Variants in TLK2 observed in about 807,000 individuals in gnomAD.
TLK2 encodes the protein serine/threonine-protein kinase tousled-like 2.
TLK2 carries 6 observed loss-of-function variants against 117.3 expected under a neutral mutation model. The ratio of observed to expected loss-of-function variants is 0.05; its 90% CI spans 0.03 to 0.10. The LOEUF (loss-of-function observed/expected upper bound fraction) is 0.10. Ranked by LOEUF, TLK2 falls within the 10% of genes least tolerant of loss-of-function variation. The pLI, the probability that TLK2 is intolerant of heterozygous loss-of-function variation, is 1.00. For synonymous variants in TLK2, 257 were observed against 316.7 expected (o/e 0.81, Z 2.00); for missense variants, 299 against 901.2 (o/e 0.33, Z 8.56).
At chr17:62,540,847 CG>C (rs2077476728) in intron 7 of TLK2, among the ~76,000 whole-genome samples, 1 of 152,086 alleles carries the variant, frequency 6.6e-6, no homozygotes, top group Non-Finnish European at 1.5e-5. Flanking sequence ...TGTGTTGAAA[CG>C]TAAGTCCAGT....
At chr17:62,536,030 C>T (rs1340796498) in intron 6 of TLK2, 140 bp from the exon 7 acceptor site, 2 of 950,478 alleles carry the variant, frequency 2.1e-6, no homozygotes, top group Non-Finnish European at 3.1e-6. Context: ...TTGGTATGCT[C>T]TCCATAATTA....
At chr17:62,539,171 C>A (rs2077326113) in intron 7 of TLK2, among the ~76,000 whole-genome samples, 1 of 152,044 alleles carries the variant, frequency 6.6e-6, no homozygotes, top group Non-Finnish European at 1.5e-5. Flanking sequence ...TCCTTGGGTC[C>A]AGAAATTCCA....
At chr17:62,512,357 G>A (rs927615670) in intron 2 of TLK2, among the ~76,000 whole-genome samples, 1 of 151,354 alleles carries the variant, frequency 6.6e-6, no homozygotes, top group African/African-American at 2.4e-5. Context: ...CGAGTAGCTG[G>A]GATTACAGGC....
chr17:62,509,398 C>T (rs2074973344), intron 2 of TLK2, among the ~76,000 whole-genome samples: 1 of 152,084 alleles, frequency 6.6e-6, no homozygotes, highest in African/African-American at 2.4e-5. Flanking sequence ...CTCTCCTAAC[C>T]TTTAAGAAGC....
chr17:62,573,109 T>G, intron 11 of TLK2, 106 bp from the exon 12 acceptor site: 1 of 1,300,766 alleles, frequency 7.7e-7, no homozygotes. Context: ...TTAAAGGGGC[T>G]TATTTTTTCT....
chr17:62,521,925 A>G (rs1306031734), intron 3 of TLK2, among the ~76,000 whole-genome samples: 1 of 152,198 alleles, frequency 6.6e-6, no homozygotes, highest in Non-Finnish European at 1.5e-5. Context: ...TTTGTGCTCT[A>G]TTAAATATCT....
upstream of TLK2, among the ~76,000 whole-genome samples, chr17:62,478,546 T>G (rs1488536245): frequency 2.0e-5 from 3 of 149,394 alleles, no homozygotes; most frequent in African/African-American, 2.4e-5. Flanking sequence ...TTGCGGCCCG[T>G]CAGCCGGCGC....
At chr17:62,583,245 A>G (rs2081344899) in intron 15 of TLK2, among the ~76,000 whole-genome samples, 1 of 152,114 alleles carries the variant, frequency 6.6e-6, no homozygotes, top group Non-Finnish European at 1.5e-5. Context: ...GGTGTGCACC[A>G]CCAAGCCCAG....
intron 2 of TLK2, among the ~76,000 whole-genome samples, chr17:62,491,657 C>T (rs1598172373): frequency 6.6e-6 from 1 of 152,194 alleles, no homozygotes; most frequent in South Asian, 2.1e-4. Flanking sequence ...AGCGTGATCT[C>T]GGCTCACTGC....
At chr17:62,557,854 A>G (rs2078973347) in intron 9 of TLK2, among the ~76,000 whole-genome samples, 1 of 152,226 alleles carries the variant, frequency 6.6e-6, no homozygotes, top group African/African-American at 2.4e-5. Context: ...TATGTTTTCT[A>G]ATAAGCAATA....
At chr17:62,555,579 G>C in intron 9 of TLK2, among the ~76,000 whole-genome samples, 1 of 150,674 alleles carries the variant, frequency 6.6e-6, no homozygotes, top group Non-Finnish European at 1.5e-5. Context: ...GCCTCCTGGG[G>C]TCAAGCAATT....
chr17:62,488,096 A>G (rs1567775004), intron 2 of TLK2, among the ~76,000 whole-genome samples: 1 of 151,344 alleles, frequency 6.6e-6, no homozygotes, highest in Non-Finnish European at 1.5e-5. Flanking sequence ...CACCATGCCC[A>G]CCTAATTTTT....
intron 2 of TLK2, among the ~76,000 whole-genome samples, chr17:62,502,848 A>G (rs2074321690): frequency 6.6e-6 from 1 of 152,222 alleles, no homozygotes; most frequent in Non-Finnish European, 1.5e-5. Flanking sequence ...TTCTTGTTTC[A>G]TGGATGAAGG....
chr17:62,594,143 C>T (rs2147059261), intron 16 of TLK2, among the ~76,000 whole-genome samples: 1 of 152,122 alleles, frequency 6.6e-6, no homozygotes, highest in African/African-American at 2.4e-5. Flanking sequence ...TGCCGTGGCT[C>T]ATGCCTGTAA....
At chr17:62,493,822 A>G (rs1052757272) in intron 2 of TLK2, among the ~76,000 whole-genome samples, 3 of 152,098 alleles carry the variant, frequency 2.0e-5, no homozygotes, top group South Asian at 4.1e-4. Flanking sequence ...CAATGGCACA[A>G]CCTTGGCTCA....
intron 6 of TLK2, among the ~76,000 whole-genome samples, chr17:62,529,960 C>A (rs1284196721): frequency 1.3e-5 from 2 of 152,112 alleles, no homozygotes; most frequent in East Asian, 1.9e-4. Context: ...TTTGGGAGAC[C>A]TGGGGACCCA....
intron 7 of TLK2, among the ~76,000 whole-genome samples, chr17:62,548,246 G>GTGTGTGTA (rs2078109083): frequency 7.1e-6 from 1 of 141,466 alleles, no homozygotes; most frequent in Admixed American, 7.1e-5. Flanking sequence ...ATATATGTGT[G>GTGTGTGTA]TGTGTGTGTG....
At chr17:62,522,157 G>GA in intron 3 of TLK2, 47 bp from the exon 4 acceptor site, 1 of 1,597,932 alleles carries the variant, frequency 6.3e-7, no homozygotes, top group Non-Finnish European at 8.5e-7. Context: ...TTCCTAACGT[G>GA]AAAAATTTAC....
At chr17:62,579,750 C>G (rs2081073762) in intron 14 of TLK2, among the ~76,000 whole-genome samples, 1 of 152,154 alleles carries the variant, frequency 6.6e-6, no homozygotes, top group Non-Finnish European at 1.5e-5. Flanking sequence ...ATGGTGGGAA[C>G]ATGTGGCCCT....
Sources: allele counts gnomAD v4.1 joint callset (sites outside exome capture counted in the v4.1 genomes callset), GRCh38; gene constraint gnomAD v4.1.1; transcripts MANE v1.5; gene names NCBI Gene and HGNC (gene_info 2026-07-23, HGNC 2026-07-21).